The following CLDN2 variants were observed in gnomAD, a reference collection of about 807,000 sequenced individuals.
CLDN2 encodes the protein claudin-2.
A neutral mutation model predicts 8.2 loss-of-function variants in CLDN2; 1 was observed. The ratio of observed to expected loss-of-function variants is 0.12; its 90% CI spans 0.04 to 0.58. The LOEUF is 0.58. Ranked by LOEUF, CLDN2 falls within the 20% of genes least tolerant of loss-of-function variation. The pLI, the probability that CLDN2 is intolerant of heterozygous loss-of-function variation, is 0.90. For missense variants in CLDN2, 108 were observed against 172.9 expected, an observed-to-expected ratio of 0.62 and a Z score of 2.11; for synonymous variants, 70 against 70.2, an observed-to-expected ratio of 1.00 and a Z score of 0.01.
chrX:106,913,237 G>C (rs1261604998), intron 1 of CLDN2, among the ~76,000 whole-genome samples: 1 of 111,349 alleles, frequency 9.0e-6, no homozygotes, highest in Non-Finnish European at 1.9e-5. Context: ...TGGGACTACA[G>C]GCATACACCA....
rs760137905 is a variant in CLDN2 at position 106,905,953 on chromosome X, G to A, written c.-179+5449G>A. ...TTCCATGGGTCTTTGTCCTCCCTAC[G>A]CAATGGCTCTGTCTTGCTACCTCCT... is the stretch of plus-strand genomic sequence containing the variant. On this transcript the variant is annotated intron_variant, in intron 1 of 1. Coordinates refer to the CLDN2 transcript ENST00000541806. Among the ~76,000 whole-genome samples, 11 of 111,783 alleles carry A rather than the reference G, an allele frequency of 9.8e-5. No individual in the cohort carries two copies. The South Asian group carries it at 1.1e-3, about 12-fold the overall frequency.
At chrX:106,926,399 G>T (rs1933466040) in intron 1 of CLDN2, among the ~76,000 whole-genome samples, 1 of 111,395 alleles carries the variant, frequency 9.0e-6, no homozygotes, top group Admixed American at 9.5e-5. Context: ...GAGGGTCAGT[G>T]GATGGGTAGT....
intron 1 of CLDN2, chrX:106,903,017 G>A: frequency 1.3e-6 from 1 of 776,206 alleles, no homozygotes; most frequent in Non-Finnish European, 1.9e-6. Flanking sequence ...AGGGCTATGA[G>A]GCCATTGCTT....
At chrX:106,924,906 G>A (rs1933446329) in intron 1 of CLDN2, among the ~76,000 whole-genome samples, 1 of 107,543 alleles carries the variant, frequency 9.3e-6, no homozygotes, top group South Asian at 4.2e-4. Flanking sequence ...CTATATTTTA[G>A]TCATATGGAG....
At chrX:106,924,404 T>C (rs1933437005) in intron 1 of CLDN2, among the ~76,000 whole-genome samples, 1 of 111,076 alleles carries the variant, frequency 9.0e-6, no homozygotes, top group Non-Finnish European at 1.9e-5. Context: ...ATGAGATACA[T>C]AGTCATGATC....
At chrX:106,919,144 G>A (rs1034794873), upstream of CLDN2, among the ~76,000 whole-genome samples, 1 of 112,059 alleles carries the variant, frequency 8.9e-6, no homozygotes, top group East Asian at 2.8e-4. Flanking sequence ...ATAGGTCCAC[G>A]ATATGTTATT....
chrX:106,901,299 T>C (rs7057398), intron 1 of CLDN2, among the ~76,000 whole-genome samples: 44,908 of 111,094 alleles, frequency 0.4, 8,055 homozygotes, highest in African/African-American at 0.71. Flanking sequence ...ACAATGCCTC[T>C]AGAAAAGACA....
At chrX:106,900,724 C>T (rs766038685) in intron 1 of CLDN2, 1 of 1,189,792 alleles carries the variant, frequency 8.4e-7, no homozygotes, top group Non-Finnish European at 1.1e-6. Context: ...CTCACACACC[C>T]TTCTGGCCCC....
At chrX:106,914,110 G>A (rs950378904), upstream of CLDN2, among the ~76,000 whole-genome samples, 2 of 108,038 alleles carry the variant, frequency 1.9e-5, no homozygotes, top group Admixed American at 2.0e-4. Context: ...ACACCACCAC[G>A]CCCGGCTAAT....
intron 1 of CLDN2, chrX:106,900,922 A>G (rs373028188): frequency 1.5e-4 from 180 of 1,204,983 alleles, no homozygotes; most frequent in Non-Finnish European, 1.9e-4. Context: ...TGGACAGAGA[A>G]GAAACATGGC....
chrX:106,921,648 G>A (rs1043244515), intron 1 of CLDN2, among the ~76,000 whole-genome samples: 1 of 112,085 alleles, frequency 8.9e-6, no homozygotes, highest in African/African-American at 3.2e-5. Context: ...AGCAAGAGAT[G>A]GGGAGAATAG....
At position 106,929,088 on chromosome X, in the gene CLDN2, T is replaced by C. The variant is rs767031230; in HGVS notation, c.*167T>C. ...GAGCAAAGGCAGAAATGGGGGCTAG[T>C]GTAACAGCATGCAGGTTGAATTGCC... is the stretch of plus-strand genomic sequence containing the variant. On this transcript the variant is annotated 3_prime_UTR_variant, in exon 2 of 2. Coordinates refer to ENST00000336803, the MANE Select transcript of CLDN2 (RefSeq NM_020384.4). The C allele has an allele frequency of 8.8e-6, 4 of 456,255 alleles. No individual in the cohort carries two copies. The highest frequency in any genetic ancestry group is 3.8e-6 in the Non-Finnish European group (1 of 261,555). The allele number at this position is 456,255 out of a possible 1,213,427, so 37.6% of individuals were successfully genotyped here.
upstream of CLDN2, among the ~76,000 whole-genome samples, chrX:106,919,970 G>C (rs1361461080): frequency 8.9e-6 from 1 of 112,155 alleles, no homozygotes; most frequent in South Asian, 3.7e-4. Flanking sequence ...TTAGGGGTGG[G>C]GTAGGGCTGA....
At chrX:106,923,559 T>C (rs1385358588) in intron 1 of CLDN2, among the ~76,000 whole-genome samples, 5 of 111,715 alleles carry the variant, frequency 4.5e-5, no homozygotes, top group Admixed American at 1.9e-4. Context: ...TAATTAATTA[T>C]ATGTCAACAA....
At chrX:106,903,256 G>A in intron 1 of CLDN2, 1 of 1,208,857 alleles carries the variant, frequency 8.3e-7, no homozygotes, top group Non-Finnish European at 1.1e-6. Context: ...TGGAACAGGG[G>A]TGGCAGCAGC....
chrX:106,911,767 C>T (rs1442234941), intron 1 of CLDN2, among the ~76,000 whole-genome samples: 1 of 112,211 alleles, frequency 8.9e-6, no homozygotes, highest in Non-Finnish European at 1.9e-5. Flanking sequence ...GGACTGGGGA[C>T]ATGGCAGGCG....
chrX:106,910,095 CT>C (rs1169241692), intron 1 of CLDN2, among the ~76,000 whole-genome samples: 1 of 110,842 alleles, frequency 9.0e-6, no homozygotes, highest in East Asian at 2.9e-4. Context: ...AGACAGCCCC[CT>C]TTCCCAGCCT....
In CLDN2 at chrX:106,922,974, T is replaced by C. The variant is rs1467327224; in HGVS notation, c.-179+2423T>C. On this transcript the variant is annotated intron_variant, in intron 1 of 1. Coordinates refer to ENST00000336803, the MANE Select transcript of CLDN2 (RefSeq NM_020384.4). ...TGAAATACTTAAGAGCTCTGAAGAT[T>C]TTTTTTTTTTTTTTTTTTTGAGACA... 6.6e-4 allele frequency among the ~76,000 whole-genome samples: 14 copies of C among 21,343 alleles called. No individual in the cohort carries two copies. The East Asian group carries it at 0.32, about 494-fold the overall frequency. 18.5% of individuals were successfully genotyped at this position (21,343 alleles called of 115,157 possible).
In CLDN2 at chrX:106,905,351, C is replaced by T. The variant is rs186768743; in HGVS notation, c.-179+4847C>T. ...AAATGAGTTCAGTGAAATGTGCTGC[C>T]TTGGACTTGAGAGAGCTCTCTGTCC... On this transcript the variant is annotated intron_variant, in intron 1 of 1. Coordinates refer to the CLDN2 transcript ENST00000541806. Among the ~76,000 whole-genome samples, 485 of 112,148 alleles carry T rather than the reference C, an allele frequency of 4.3e-3. 2 individuals carry two copies. The highest frequency in any genetic ancestry group is 0.015 in the African/African-American group (476 of 30,833).
Sources: allele counts gnomAD v4.1 joint callset (sites outside exome capture counted in the v4.1 genomes callset), GRCh38; gene constraint gnomAD v4.1.1; transcripts MANE v1.5; gene names NCBI Gene and HGNC (gene_info 2026-07-23, HGNC 2026-07-21).